Variants in RHBDL2 observed in about 807,000 individuals in gnomAD.
RHBDL2 encodes rhomboid-related protein 2.
In RHBDL2, 26 loss-of-function variants were observed where a neutral mutation model predicts 31.7. The ratio of observed to expected loss-of-function variants is 0.82; its 90% CI spans 0.60 to 1.14. The LOEUF (loss-of-function observed/expected upper bound fraction) is 1.14, where lower values mean the gene tolerates loss of function less well. Among genes scored for constraint, RHBDL2 ranks in the 50% most tolerant of loss-of-function variants. The pLI is 0.00. For missense variants in RHBDL2, 336 were observed against 364.4 expected, an observed-to-expected ratio of 0.92 and a Z score of 0.63; for synonymous variants, 123 against 127.2, an observed-to-expected ratio of 0.97 and a Z score of 0.22.
intron 1 of RHBDL2, among the ~76,000 whole-genome samples, chr1:38,932,066 G>A (rs1410500413): frequency 6.6e-6 from 1 of 152,040 alleles, no homozygotes; most frequent in Non-Finnish European, 1.5e-5. Context: ...TTGCTCCTTT[G>A]GGAATGCTTC....
chr1:38,900,599 G>T (rs545047651), intron 4 of RHBDL2, among the ~76,000 whole-genome samples: 1 of 151,916 alleles, frequency 6.6e-6, no homozygotes, highest in African/African-American at 2.4e-5. Flanking sequence ...CAGCCTGGGC[G>T]ACAAGAGTTA....
chr1:38,906,432 C>T (rs1299788769), intron 4 of RHBDL2, among the ~76,000 whole-genome samples: 4 of 151,600 alleles, frequency 2.6e-5, no homozygotes, highest in East Asian at 1.9e-4. Flanking sequence ...CCCAGCACTT[C>T]GGGAGGCCAA....
chr1:38,901,480 G>A (rs1200990208), intron 4 of RHBDL2, among the ~76,000 whole-genome samples: 8 of 139,668 alleles, frequency 5.7e-5, no homozygotes, highest in Admixed American at 1.4e-4. Flanking sequence ...AAAAAAGAAA[G>A]AAAGAAAGAA....
chr1:38,932,611 C>T, intron 1 of RHBDL2, among the ~76,000 whole-genome samples: 1 of 152,170 alleles, frequency 6.6e-6, no homozygotes, highest in East Asian at 1.9e-4. Context: ...AGGTGAGCGC[C>T]ACCATGCCCA....
chr1:38,897,964 C>G (rs956807751), intron 4 of RHBDL2, among the ~76,000 whole-genome samples: 2 of 151,956 alleles, frequency 1.3e-5, no homozygotes, highest in African/African-American at 4.8e-5. Flanking sequence ...AACCCCATCT[C>G]CACTAAAAAT....
chr1:38,915,028 C>CAAAA (rs1267966081), intron 3 of RHBDL2, among the ~76,000 whole-genome samples: 1 of 114,124 alleles, frequency 8.8e-6, no homozygotes. Flanking sequence ...GACTCCATCT[C>CAAAA]AAAAAAAAAA....
Position 38,918,966 on chromosome 1 carries a change from C to G in RHBDL2, c.246+1G>C. 6.2e-7 allele frequency: 1 copy of G among 1,610,868 alleles called. No individual in the cohort carries two copies. The highest frequency in any genetic ancestry group is 8.5e-7 in the Non-Finnish European group (1 of 1,177,406). ...CGGTGCCCACCCCGCTCCCCATTCA[C>G]CTCGGCCAGGCTGATGGAGATGATG... On this transcript the variant is annotated splice_donor_variant, in intron 2 of 7. Transcript: ENST00000372990. LOFTEE classifies it high-confidence loss of function.
At chr1:38,891,469 G>A (rs1196557495) in intron 6 of RHBDL2, among the ~76,000 whole-genome samples, 2 of 152,100 alleles carry the variant, frequency 1.3e-5, no homozygotes, top group African/African-American at 4.8e-5. Context: ...CAGACTGACT[G>A]AAGACCCCGT....
At chr1:38,932,686 C>T (rs1454980219) in intron 1 of RHBDL2, among the ~76,000 whole-genome samples, 5 of 152,168 alleles carry the variant, frequency 3.3e-5, no homozygotes, top group Admixed American at 3.3e-4. Flanking sequence ...TCTTGAACTC[C>T]TGAGCTCACG....
Position 38,902,023 on chromosome 1 carries a change from A to T in RHBDL2, c.509-5954T>A, listed in dbSNP as rs114937036. 4.7e-3 allele frequency among the ~76,000 whole-genome samples: 708 copies of T among 151,710 alleles called. 21 individuals carry two copies. Among genetic ancestry groups the T allele is most frequent in the Admixed American group, 0.041 (629 of 15,210 alleles). ...AACCAAATGGACCTAATTGACATGT[A>T]TACAATATTCTACCCAACAACAACT... is the stretch of plus-strand genomic sequence containing the variant. On this transcript the variant is annotated intron_variant, in intron 4 of 7. Transcript: ENST00000372990.
At chr1:38,913,820 TTTAAGAA>T (rs1483628094) in intron 3 of RHBDL2, among the ~76,000 whole-genome samples, 1 of 152,118 alleles carries the variant, frequency 6.6e-6, no homozygotes, top group Non-Finnish European at 1.5e-5. Flanking sequence ...GCCATCGGCA[TTTAAGAA>T]ACTATAGGCG....
intron 1 of RHBDL2, among the ~76,000 whole-genome samples, chr1:38,925,391 G>A (rs536503674): frequency 3.9e-5 from 6 of 152,108 alleles, no homozygotes; most frequent in South Asian, 2.1e-4. Flanking sequence ...CCAGCTACTC[G>A]GGAGGCTGAG....
chr1:38,892,244 T>G (rs1262957657), intron 6 of RHBDL2, among the ~76,000 whole-genome samples: 2 of 152,168 alleles, frequency 1.3e-5, no homozygotes, highest in African/African-American at 4.8e-5. Context: ...ACTCAATACT[T>G]ACTGGATCAG....
chr1:38,918,863 T>C, intron 2 of RHBDL2, 104 bp downstream of exon 2: 2 of 1,401,302 alleles, frequency 1.4e-6, no homozygotes, highest in Admixed American at 2.1e-5. Flanking sequence ...CACGAAGCTC[T>C]CTCCCATGTT....
chr1:38,912,946 G>A (rs1367134403), intron 3 of RHBDL2, among the ~76,000 whole-genome samples: 4 of 112,650 alleles, frequency 3.6e-5, no homozygotes, highest in South Asian at 2.8e-4. Flanking sequence ...GTGTGTGTGT[G>A]TGTATTTACA....
intron 5 of RHBDL2, among the ~76,000 whole-genome samples, chr1:38,895,641 A>T: frequency 6.6e-6 from 1 of 152,114 alleles, no homozygotes; most frequent in East Asian, 1.9e-4. Context: ...CTGGCTCTAC[A>T]AACAATAAAA....
intron 1 of RHBDL2, among the ~76,000 whole-genome samples, chr1:38,932,667 C>T (rs1406397249): frequency 6.6e-6 from 1 of 152,080 alleles, no homozygotes; most frequent in East Asian, 1.9e-4. Context: ...GCCATGTTGC[C>T]GAAGCTGGTC....
chr1:38,904,924 G>A (rs1204862759), intron 4 of RHBDL2, among the ~76,000 whole-genome samples: 1 of 149,448 alleles, frequency 6.7e-6, no homozygotes, highest in South Asian at 2.1e-4. Context: ...CCAGCTACTC[G>A]GGAGGCTGAG....
intron 1 of RHBDL2, among the ~76,000 whole-genome samples, chr1:38,938,467 G>C (rs1450811373): frequency 6.6e-6 from 1 of 151,838 alleles, no homozygotes; most frequent in African/African-American, 2.4e-5. Flanking sequence ...GCCACACTGA[G>C]CCCCTAGCAG....
Sources: allele counts gnomAD v4.1 joint callset (sites outside exome capture counted in the v4.1 genomes callset), GRCh38; gene constraint gnomAD v4.1.1; transcripts MANE v1.5; gene names NCBI Gene and HGNC (gene_info 2026-07-23, HGNC 2026-07-21).